Variants in PRKAR1B observed in about 807,000 individuals in gnomAD.
The protein encoded by PRKAR1B is cAMP-dependent protein kinase type I-beta regulatory subunit.
In PRKAR1B, 22 loss-of-function variants were observed where a neutral mutation model predicts 46.5. The observed-to-expected ratio is 0.47, with a 90% CI of 0.34 to 0.68. The LOEUF is 0.68. Ranked by LOEUF, PRKAR1B falls within the 30% of genes least tolerant of loss-of-function variation. PRKAR1B has a pLI of 0.01. For missense variants in PRKAR1B, 445 were observed against 535.6 expected, an observed-to-expected ratio of 0.83 and a Z score of 1.67; for synonymous variants, 259 against 217.7, an observed-to-expected ratio of 1.19 and a Z score of -1.67.
At chr7:692,420 C>T (rs1464288217) in intron 2 of PRKAR1B, among the ~76,000 whole-genome samples, 1 of 149,880 alleles carries the variant, frequency 6.7e-6, no homozygotes, top group Non-Finnish European at 1.5e-5. Flanking sequence ...AACAGAGAGA[C>T]AGAGAGACAG....
chr7:606,549 G>A (rs755174766), intron 5 of PRKAR1B, among the ~76,000 whole-genome samples: 4 of 152,158 alleles, frequency 2.6e-5, no homozygotes, highest in South Asian at 2.1e-4. Flanking sequence ...AGGTTCAAGC[G>A]ATTCTCCTGC....
At chr7:627,635 A>G (rs1783483654) in intron 4 of PRKAR1B, among the ~76,000 whole-genome samples, 1 of 152,184 alleles carries the variant, frequency 6.6e-6, no homozygotes, top group Admixed American at 6.5e-5. Flanking sequence ...AGCAGAGGGC[A>G]CTTCCAATTG....
At chr7:698,403 T>G (rs1234810278) in intron 2 of PRKAR1B, among the ~76,000 whole-genome samples, 1 of 152,126 alleles carries the variant, frequency 6.6e-6, no homozygotes, top group Non-Finnish European at 1.5e-5. Context: ...TGACTCTATG[T>G]GTGCACATCT....
intron 4 of PRKAR1B, among the ~76,000 whole-genome samples, chr7:647,251 G>A (rs1784663162): frequency 6.6e-6 from 1 of 152,074 alleles, no homozygotes; most frequent in Non-Finnish European, 1.5e-5. Context: ...TCCCATGTCA[G>A]GTCCTCAGCA....
chr7:634,123 C>T (rs1242039349), intron 4 of PRKAR1B, among the ~76,000 whole-genome samples: 3 of 152,058 alleles, frequency 2.0e-5, no homozygotes. Context: ...CCCAGGTTCA[C>T]GCCATTCTCC....
At chr7:610,243 C>G in intron 4 of PRKAR1B, among the ~76,000 whole-genome samples, 1 of 152,226 alleles carries the variant, frequency 6.6e-6, no homozygotes, top group South Asian at 2.1e-4. Context: ...TCTACCACAG[C>G]CTAAGCAAAG....
intron 2 of PRKAR1B, among the ~76,000 whole-genome samples, chr7:707,754 G>C (rs542440740): frequency 2.0e-5 from 3 of 152,192 alleles, no homozygotes; most frequent in African/African-American, 7.2e-5. Flanking sequence ...GACCCGCGAT[G>C]CGTCTACCAG....
intron 4 of PRKAR1B, 130 bp downstream of exon 4, chr7:677,099 A>G (rs1224491251): frequency 1.2e-6 from 1 of 863,810 alleles, no homozygotes; most frequent in Non-Finnish European, 1.9e-6. Flanking sequence ...CAGGCGAGCA[A>G]CGGGGGCTGC....
rs780449319 is a variant in PRKAR1B, at chr7:579,365, T to A, written c.782A>T (p.Lys261Met). ...ATCCGCCACGGTCAGACGCTCCCAC[T>A]TCTCCAGGGACTCTGTCGGGGGAGG... ...SKVSILESLE[K>M]WERLTVADAL... is the part of the protein sequence containing the mutation. Residue 261 changes from lysine (K) to methionine (M), a missense_variant, in exon 9 of 11, where the codon AAG becomes ATG. Transcript: ENST00000537384. 1 of 1,613,908 alleles carries A rather than the reference T, an allele frequency of 6.2e-7. No individual in the cohort carries two copies. The highest frequency in any genetic ancestry group is 2.2e-5 in the East Asian group (1 of 44,872).
chr7:582,933 C>T (rs1780280191), intron 8 of PRKAR1B, among the ~76,000 whole-genome samples: 1 of 152,244 alleles, frequency 6.6e-6, no homozygotes, highest in African/African-American at 2.4e-5. Flanking sequence ...CCAAGTATGA[C>T]ATTTTCAAAA....
intron 4 of PRKAR1B, among the ~76,000 whole-genome samples, chr7:671,935 C>T (rs1207128581): frequency 2.6e-5 from 4 of 152,198 alleles, no homozygotes; most frequent in Non-Finnish European, 2.9e-5. Context: ...AGCCATCCCA[C>T]TCTATGACGT....
chr7:588,546 ACGGTGGTGATGGTGG>A, intron 7 of PRKAR1B, among the ~76,000 whole-genome samples: 1 of 6,416 alleles, frequency 1.6e-4, no homozygotes, highest in East Asian at 9.8e-3. Context: ...GATGGTGGTG[ACGGTGGTGATGGTGG>A]TGATGTTGGT....
chr7:698,502 G>C (rs948715176), intron 2 of PRKAR1B, among the ~76,000 whole-genome samples: 1 of 152,026 alleles, frequency 6.6e-6, no homozygotes, highest in African/African-American at 2.4e-5. Flanking sequence ...GTCTAGGTAA[G>C]TACGTGCGTG....
intron 3 of PRKAR1B, among the ~76,000 whole-genome samples, chr7:678,740 G>C (rs1382311591): frequency 6.6e-6 from 1 of 152,234 alleles, no homozygotes; most frequent in Admixed American, 6.5e-5. Flanking sequence ...GTCTTTGAGA[G>C]ACAGCAATGA....
chr7:636,458 G>GGCCGCGCCCTCACGTCCTCCACCA (rs1784112771), intron 4 of PRKAR1B, among the ~76,000 whole-genome samples: 3 of 150,150 alleles, frequency 2.0e-5, no homozygotes, highest in African/African-American at 7.5e-5. Context: ...GTCCTCCACC[G>GGCCGCGCCCTCACGTCCTCCACCA]GACTGTGCCC....
chr7:582,533 G>A (rs142796795), intron 8 of PRKAR1B, among the ~76,000 whole-genome samples: 3,309 of 152,362 alleles, frequency 0.022, 132 homozygotes, highest in African/African-American at 0.075. Context: ...ATTGCTGGCT[G>A]CTGCATTAAT....
intron 6 of PRKAR1B, among the ~76,000 whole-genome samples, chr7:598,727 T>G (rs1032085902): frequency 6.6e-6 from 1 of 152,212 alleles, no homozygotes; most frequent in Non-Finnish European, 1.5e-5. Context: ...CAGTGTGGAC[T>G]CAGAAGATGT....
rs148165738 is a variant in PRKAR1B at position 602,531 on chromosome 7, C to A, written c.549+3662G>T. 2.4e-5 allele frequency: 4 copies of A among 169,280 alleles called. No individual in the cohort carries two copies. In the South Asian group the frequency reaches 8.1e-4, roughly 34 times the overall value. The allele number at this position is 169,280 out of a possible 1,614,324, so 10.5% of individuals were successfully genotyped here. ...ACCTGATCCCTCCAGCAGTCCCAGC[C>A]GCCGGCCCCTCACACCCTCACCTCT... On this transcript the variant is annotated intron_variant, in intron 6 of 10. Coordinates refer to ENST00000537384, the MANE Select transcript of PRKAR1B (RefSeq NM_001164760.2). The surrounding 1 kb of genome is among the most constrained non-coding windows in gnomAD (Gnocchi z 6.4).
intron 9 of PRKAR1B, among the ~76,000 whole-genome samples, chr7:576,314 C>T (rs1441612808): frequency 2.6e-5 from 4 of 152,226 alleles, no homozygotes; most frequent in East Asian, 3.9e-4. Context: ...CAACGCTGGC[C>T]AGAATAATCA....
Sources: allele counts gnomAD v4.1 joint callset (sites outside exome capture counted in the v4.1 genomes callset), GRCh38; gene constraint gnomAD v4.1.1; non-coding constraint Gnocchi (gnomAD v3.1); transcripts MANE v1.5; gene names NCBI Gene and HGNC (gene_info 2026-07-23, HGNC 2026-07-21).